FNDC3A: variants seen among roughly 807,000 people sequenced by gnomAD.
FNDC3A encodes the protein fibronectin type-III domain-containing protein 3A.
In FNDC3A, 32 loss-of-function variants were observed where a neutral mutation model predicts 148.9. The observed-to-expected ratio is 0.21, with a 90% CI of 0.16 to 0.29. FNDC3A has a LOEUF of 0.29. FNDC3A is among the 10% of genes least tolerant of loss of function. The pLI, the probability that FNDC3A is intolerant of heterozygous loss-of-function variation, is 1.00. For missense variants in FNDC3A, 1,191 were observed against 1,452.8 expected (o/e 0.82, Z 2.93); for synonymous variants, 472 against 473.6 (o/e 1.00, Z 0.04).
intron 4 of FNDC3A, among the ~76,000 whole-genome samples, chr13:49,125,870 A>G (rs993768667): frequency 6.6e-6 from 1 of 152,136 alleles, no homozygotes; most frequent in Admixed American, 6.5e-5. Context: ...AAAAAAAAAC[A>G]TGTCTTTGCC....
intron 1 of FNDC3A, among the ~76,000 whole-genome samples, chr13:48,980,699 C>T (rs1419958530): frequency 6.6e-6 from 1 of 152,138 alleles, no homozygotes; most frequent in Non-Finnish European, 1.5e-5. Flanking sequence ...CTGTTTCCTT[C>T]AGTATACTGT....
At chr13:49,006,354 C>A in intron 2 of FNDC3A, 65 bp downstream of exon 2, 1 of 848,510 alleles carries the variant, frequency 1.2e-6, no homozygotes. Flanking sequence ...AAATTTAAAA[C>A]AGATCACAAT....
intron 15 of FNDC3A, among the ~76,000 whole-genome samples, chr13:49,186,635 A>C (rs1205343784): frequency 6.6e-6 from 1 of 152,248 alleles, no homozygotes; most frequent in Non-Finnish European, 1.5e-5. Flanking sequence ...TGGGAGGCCC[A>C]GGCGGGCAGA....
At chr13:49,062,863 C>T (rs1011283179) in intron 2 of FNDC3A, among the ~76,000 whole-genome samples, 9 of 152,082 alleles carry the variant, frequency 5.9e-5, no homozygotes, top group South Asian at 2.1e-4. Context: ...AGAGTGTGTG[C>T]CACACGGTAG....
chr13:49,154,494 A>G (rs970588462), intron 8 of FNDC3A, among the ~76,000 whole-genome samples: 224 of 145,214 alleles, frequency 1.5e-3, no homozygotes, highest in African/African-American at 5.6e-3. Flanking sequence ...CTCTTTTCCT[A>G]CTTGAATACC....
chr13:48,982,037 T>C (rs1431118864), intron 1 of FNDC3A, among the ~76,000 whole-genome samples: 1 of 152,172 alleles, frequency 6.6e-6, no homozygotes, highest in African/African-American at 2.4e-5. Flanking sequence ...TAAACAGATA[T>C]TTAAGTACAC....
At chr13:49,196,329 A>G (rs1415234012) in intron 19 of FNDC3A, among the ~76,000 whole-genome samples, 1 of 152,174 alleles carries the variant, frequency 6.6e-6, no homozygotes, top group Non-Finnish European at 1.5e-5. Context: ...AATACTGAAT[A>G]AAATTTTTTA....
At chr13:49,197,699 A>T in intron 20 of FNDC3A, 26 bp from the exon 21 acceptor site, 1 of 1,582,902 alleles carries the variant, frequency 6.3e-7, no homozygotes, top group Non-Finnish European at 8.5e-7. Flanking sequence ...CAAGACTAAG[A>T]CCTTTATCCT....
intron 2 of FNDC3A, among the ~76,000 whole-genome samples, chr13:49,018,939 TGAG>T (rs1394884380): frequency 1.3e-5 from 2 of 152,296 alleles, no homozygotes; most frequent in South Asian, 2.1e-4. Flanking sequence ...GGGACCCACT[TGAG>T]GAGGCAGTCT....
chr13:49,189,462 T>C (rs1258350430), intron 17 of FNDC3A, among the ~76,000 whole-genome samples: 1 of 151,984 alleles, frequency 6.6e-6, no homozygotes, highest in Non-Finnish European at 1.5e-5. Context: ...ATTACAGGCA[T>C]GAGCCACCGC....
At chr13:49,022,040 T>G (rs1317811213) in intron 2 of FNDC3A, among the ~76,000 whole-genome samples, 1 of 152,204 alleles carries the variant, frequency 6.6e-6, no homozygotes, top group Non-Finnish European at 1.5e-5. Flanking sequence ...AGGTATTTTT[T>G]TCATCTGACT....
At chr13:49,070,901 T>C (rs1254003773) in intron 2 of FNDC3A, among the ~76,000 whole-genome samples, 2 of 144,222 alleles carry the variant, frequency 1.4e-5, no homozygotes, top group Non-Finnish European at 3.0e-5. Flanking sequence ...TTTGTTTTGT[T>C]TTTTTTCTTT....
intron 3 of FNDC3A, among the ~76,000 whole-genome samples, chr13:49,112,447 C>T (rs1181356394): frequency 1.3e-5 from 2 of 152,146 alleles, no homozygotes; most frequent in African/African-American, 4.8e-5. Context: ...AGGTATAAAG[C>T]AGCTCACAAG....
chr13:49,014,447 T>C (rs1952444171), intron 2 of FNDC3A, among the ~76,000 whole-genome samples: 1 of 105,688 alleles, frequency 9.5e-6, no homozygotes, highest in South Asian at 3.7e-4. Context: ...ATGGGGTTGT[T>C]TGTTTTTTTC....
chr13:49,046,348 T>G (rs965413516), intron 2 of FNDC3A: 3 of 179,174 alleles, frequency 1.7e-5, no homozygotes, highest in African/African-American at 7.2e-5. Flanking sequence ...AAACAATCTT[T>G]TTGGAAGTCT....
At chr13:49,104,308 C>T (rs1369545687) in intron 3 of FNDC3A, among the ~76,000 whole-genome samples, 2 of 152,032 alleles carry the variant, frequency 1.3e-5, no homozygotes, top group Non-Finnish European at 2.9e-5. Context: ...GGGTTGATCA[C>T]GAGGTCAGGA....
intron 3 of FNDC3A, among the ~76,000 whole-genome samples, chr13:49,102,690 T>C (rs1034696623): frequency 1.3e-5 from 2 of 152,184 alleles, no homozygotes; most frequent in African/African-American, 4.8e-5. Flanking sequence ...AATTTGAGTA[T>C]ATGTGTCAAA....
intron 1 of FNDC3A, among the ~76,000 whole-genome samples, chr13:49,001,460 A>AAG (rs1952124871): frequency 6.6e-6 from 1 of 152,242 alleles, no homozygotes; most frequent in Non-Finnish European, 1.5e-5. Flanking sequence ...TTCAGGGAAC[A>AAG]AGAGAGATAA....
At chr13:49,048,081 G>A (rs1205716337) in intron 2 of FNDC3A, among the ~76,000 whole-genome samples, 2 of 151,996 alleles carry the variant, frequency 1.3e-5, no homozygotes, top group Admixed American at 1.3e-4. Context: ...ATTTTTGTTT[G>A]CTTTCTTGAA....
Sources: allele counts gnomAD v4.1 joint callset (sites outside exome capture counted in the v4.1 genomes callset), GRCh38; gene constraint gnomAD v4.1.1; transcripts MANE v1.5; gene names NCBI Gene and HGNC (gene_info 2026-07-23, HGNC 2026-07-21).